The following ITGB8 variants were observed in gnomAD, a reference collection of about 807,000 sequenced individuals.
ITGB8 encodes the protein integrin beta-8.
Under a neutral mutation model 89.5 loss-of-function variants are expected in ITGB8, and 30 were observed. The ratio of observed to expected loss-of-function variants is 0.34; its 90% confidence interval spans 0.25 to 0.45. The LOEUF is 0.45. Among genes scored for constraint, ITGB8 ranks in the 20% least tolerant of loss-of-function variants. ITGB8 has a pLI of 1.00. For synonymous variants in ITGB8, 335 were observed against 320.4 expected, an observed-to-expected ratio of 1.05 and a Z score of -0.49; for missense variants, 836 against 933.3, an observed-to-expected ratio of 0.90 and a Z score of 1.36.
chr7:20,372,475 T>C (rs191011989), intron 3 of ITGB8, among the ~76,000 whole-genome samples: 1 of 152,220 alleles, frequency 6.6e-6, no homozygotes, highest in East Asian at 1.9e-4. Context: ...CTTAGTGTGG[T>C]AGGGAAATCT....
At position 20,413,484 on chromosome 7, in the gene ITGB8, A is replaced by G. The variant is rs1787832641; in HGVS notation, c.*3487A>G. 2 of 152,542 alleles carry G rather than the reference A, an allele frequency of 1.3e-5. No homozygotes were observed. The highest frequency in any genetic ancestry group is 4.1e-4 in the South Asian group (2 of 4,824). 9.4% of individuals were successfully genotyped at this position (152,542 alleles called of 1,614,324 possible). On this transcript the variant is annotated 3_prime_UTR_variant, in exon 14 of 14. Coordinates refer to ENST00000222573, the MANE Select transcript of ITGB8 (RefSeq NM_002214.3). ...CTCTGTAGAATTATATTCTTCCTGG[A>G]ACCTGGTAGAGTAGATTAGACTCAA...
intron 1 of ITGB8, among the ~76,000 whole-genome samples, chr7:20,333,977 C>A (rs1357200024): frequency 6.6e-6 from 1 of 152,122 alleles, no homozygotes; most frequent in Non-Finnish European, 1.5e-5. Context: ...CAATGGAAAT[C>A]TTGTTTCCTT....
Position 20,411,936 on chromosome 7 carries a change from T to C in ITGB8, c.*1939T>C, listed in dbSNP as rs1787777055. ...ACTTACCTTATCCCTATGGACTTAG[T>C]CTGATTTTATTGGCTAGGAGTCTAA... On this transcript the variant is annotated 3_prime_UTR_variant, in exon 14 of 14. Transcript: ENST00000222573. 6.6e-6 allele frequency: 1 copy of C among 152,646 alleles called. No individual in the cohort carries two copies. Among genetic ancestry groups the C allele is most frequent in the Non-Finnish European group, 1.5e-5 (1 of 68,044 alleles). The allele number at this position is 152,646 out of a possible 1,614,324, so 9.5% of individuals were successfully genotyped here.
intron 11 of ITGB8, among the ~76,000 whole-genome samples, chr7:20,405,327 A>ATAT (rs143005781): frequency 5.7e-5 from 8 of 139,228 alleles, no homozygotes; most frequent in African/African-American, 2.3e-4. Context: ...ATATATATAT[A>ATAT]TTTTTTTTTT....
chr7:20,342,811 A>G (rs1028851756), intron 1 of ITGB8, among the ~76,000 whole-genome samples: 27 of 152,226 alleles, frequency 1.8e-4, no homozygotes, highest in African/African-American at 6.3e-4. Context: ...AGAAACCTAG[A>G]AACACAAAGT....
chr7:20,408,083 G>A (rs1054835861), intron 12 of ITGB8, among the ~76,000 whole-genome samples: 3 of 152,174 alleles, frequency 2.0e-5, no homozygotes, highest in Non-Finnish European at 4.4e-5. Flanking sequence ...CTCCCACCAG[G>A]CGAGAAGCCA....
intron 2 of ITGB8, chr7:20,366,186 A>T (rs1426022554): frequency 2.6e-5 from 4 of 152,208 alleles, no homozygotes; most frequent in African/African-American, 9.7e-5. Flanking sequence ...GGAAGACATG[A>T]TATGTCTTGA....
intron 3 of ITGB8, among the ~76,000 whole-genome samples, chr7:20,374,560 A>T (rs1786059319): frequency 6.6e-6 from 1 of 151,728 alleles, no homozygotes; most frequent in African/African-American, 2.4e-5. Flanking sequence ...AAATGGTGGT[A>T]TGATCCAGTT....
Position 20,404,894 on chromosome 7 carries a change from A to T in ITGB8, c.1913+41A>T, listed in dbSNP as rs114478974. The T allele has an allele frequency of 2.4e-4, 374 of 1,571,886 alleles. 3 individuals are homozygous for T. The African/African-American group carries it at 4.0e-3, about 17-fold the overall frequency. ...CTCCAAACATACACAAAGAATAGCT[A>T]CTTTTGTCCTTTTTCGTTCTGACTT... On this transcript the variant is annotated intron_variant, in intron 11 of 13. Coordinates refer to ENST00000222573, the MANE Select transcript of ITGB8 (RefSeq NM_002214.3).
Position 20,396,771 on chromosome 7 carries a change from A to T in ITGB8, c.1146+1786A>T, listed in dbSNP as rs142834650. Among the ~76,000 whole-genome samples the T allele has an allele frequency of 9.4e-4, 143 of 152,334 alleles. 4 individuals carry two copies. In the East Asian group the frequency reaches 0.024, roughly 26 times the overall value. ...TTTATTACTCCAAAAAAAGTATATA[A>T]ATTTACAGATTTTTACCTGTGTGTC... On this transcript the variant is annotated intron_variant, in intron 8 of 13. Coordinates refer to ENST00000222573, the MANE Select transcript of ITGB8 (RefSeq NM_002214.3).
At chr7:20,371,466 A>G (rs1212270276) in intron 3 of ITGB8, among the ~76,000 whole-genome samples, 1 of 152,132 alleles carries the variant, frequency 6.6e-6, no homozygotes, top group Non-Finnish European at 1.5e-5. Context: ...AATGAAGAAA[A>G]ATGATCAATT....
At chr7:20,345,765 A>T (rs1014160543) in intron 1 of ITGB8, among the ~76,000 whole-genome samples, 3 of 152,136 alleles carry the variant, frequency 2.0e-5, no homozygotes, top group African/African-American at 7.2e-5. Context: ...AATTGTAGAG[A>T]AGTTGCAGTT....
At chr7:20,385,822 C>T (rs570771416) in intron 6 of ITGB8, among the ~76,000 whole-genome samples, 1 of 152,286 alleles carries the variant, frequency 6.6e-6, no homozygotes, top group Non-Finnish European at 1.5e-5. Context: ...AACAAACGTT[C>T]ATAACACTAT....
At chr7:20,385,917 T>C (rs909875958) in intron 6 of ITGB8, among the ~76,000 whole-genome samples, 3 of 152,234 alleles carry the variant, frequency 2.0e-5, no homozygotes, top group Non-Finnish European at 4.4e-5. Context: ...TCAGACAGAA[T>C]TCCATGTGAG....
At chr7:20,348,461 C>A (rs1489498217) in intron 1 of ITGB8, among the ~76,000 whole-genome samples, 1 of 152,186 alleles carries the variant, frequency 6.6e-6, no homozygotes, top group Non-Finnish European at 1.5e-5. Flanking sequence ...CCTCTGGCTC[C>A]TCTTGAATTT....
In ITGB8 at chr7:20,342,257, G is replaced by A. The variant is rs1784784878; in HGVS notation, c.127+10324G>A. On this transcript the variant is annotated intron_variant, in intron 1 of 13. Transcript: ENST00000222573. ...GACCCACTAACTGGTCAGTCCACTT[G>A]AGGATCTTTGTTAGGGCTCTGTATT... Among the ~76,000 whole-genome samples the A allele has an allele frequency of 2.0e-5, 3 of 152,188 alleles. No individual in the cohort carries two copies. The South Asian group carries it at 6.2e-4, about 31-fold the overall frequency.
intron 2 of ITGB8, among the ~76,000 whole-genome samples, chr7:20,364,236 C>T (rs1051497091): frequency 9.2e-5 from 14 of 152,138 alleles, no homozygotes; most frequent in Admixed American, 8.5e-4. Flanking sequence ...CTGCCTGTAT[C>T]TAGTAAATTG....
In ITGB8 at chr7:20,331,132, G is replaced by T. The variant is rs1018284253; in HGVS notation, c.-675G>T. The T allele has an allele frequency of 6.4e-6, 1 of 156,234 alleles. No individual in the cohort carries two copies. Among genetic ancestry groups the T allele is most frequent in the Non-Finnish European group, 1.4e-5 (1 of 70,822 alleles). 9.7% of individuals were successfully genotyped at this position (156,234 alleles called of 1,614,324 possible). A position where few individuals can be genotyped will look rare whatever the true frequency, so the allele number is the denominator to read the frequency against. On this transcript the variant is annotated 5_prime_UTR_variant, in exon 1 of 14. Coordinates refer to ENST00000222573, the MANE Select transcript of ITGB8 (RefSeq NM_002214.3). ...GTGCTTCTAGGGCGCTCCCAGAGCC[G>T]CCTCCCCCTGTTGCTGGCATCCCGA...
In ITGB8 at chr7:20,402,074, C is replaced by G; in HGVS notation, c.1635C>G (p.Tyr545Ter). The change falls in exon 10 of 14, where the codon TAC becomes TAG. Residue 545 changes from tyrosine (Y) to a stop codon, truncating the protein, a stop_gained. Transcript: ENST00000222573. LOFTEE classifies it high-confidence loss of function. ...AGCTTGGAAAAGTGTATGGAAAATA[C>G]TGTGAAAAGGATGACTTTTCTTGTC... ...KIKLGKVYGKYCEKDDFSCPY... is the reference protein window; with the variant it reads ...KIKLGKVYGK 6.2e-7 allele frequency: 1 copy of G among 1,613,996 alleles called. No individual in the cohort carries two copies. Among genetic ancestry groups the G allele is most frequent in the Non-Finnish European group, 8.5e-7 (1 of 1,179,918 alleles).
Sources: allele counts gnomAD v4.1 joint callset (sites outside exome capture counted in the v4.1 genomes callset), GRCh38; gene constraint gnomAD v4.1.1; transcripts MANE v1.5; gene names NCBI Gene and HGNC (gene_info 2026-07-23, HGNC 2026-07-21).